Variants in NTM observed in about 807,000 individuals in gnomAD.
The protein encoded by NTM is IgLON family member 2.
In NTM, 13 loss-of-function variants were observed where a neutral mutation model predicts 42.1. The ratio of observed to expected loss-of-function variants is 0.31; its 90% confidence interval spans 0.20 to 0.49. The LOEUF is 0.49. NTM is among the 20% of genes least tolerant of loss of function. The pLI is 0.99. For missense variants in NTM, 373 were observed against 452.8 expected, an observed-to-expected ratio of 0.82 and a Z score of 1.60; for synonymous variants, 187 against 179.2, an observed-to-expected ratio of 1.04 and a Z score of -0.35.
At chr11:131,977,769 G>A (rs1446019513) in intron 2 of NTM, among the ~76,000 whole-genome samples, 1 of 151,850 alleles carries the variant, frequency 6.6e-6, no homozygotes, top group Non-Finnish European at 1.5e-5. Context: ...GTAACCCAAT[G>A]CAATGTGAGT....
At chr11:131,763,636 A>G (rs1230399672) in intron 1 of NTM, among the ~76,000 whole-genome samples, 1 of 149,686 alleles carries the variant, frequency 6.7e-6, no homozygotes, top group African/African-American at 2.4e-5. Flanking sequence ...AGCTCTGGGT[A>G]CTACAAACCC....
At chr11:131,617,726 T>G (rs2137611842) in intron 1 of NTM, among the ~76,000 whole-genome samples, 1 of 152,326 alleles carries the variant, frequency 6.6e-6, no homozygotes, top group Admixed American at 6.5e-5. Context: ...TCCACCAATT[T>G]TCAGCTTCCA....
At chr11:132,324,557 T>C (rs1289566240) in intron 7 of NTM, among the ~76,000 whole-genome samples, 1 of 151,260 alleles carries the variant, frequency 6.6e-6, no homozygotes, top group Non-Finnish European at 1.5e-5. Flanking sequence ...TCCATGCTCG[T>C]GGGTAGGAAG....
intron 4 of NTM, among the ~76,000 whole-genome samples, chr11:132,220,173 A>G (rs778934341): frequency 5.3e-5 from 8 of 152,238 alleles, no homozygotes; most frequent in Non-Finnish European, 1.0e-4. Flanking sequence ...CATTAGGTTC[A>G]ATATATACAG....
chr11:131,508,983 T>C (rs1328087864), intron 1 of NTM, among the ~76,000 whole-genome samples: 1 of 151,768 alleles, frequency 6.6e-6, no homozygotes, highest in East Asian at 1.9e-4. Flanking sequence ...CATGTATACA[T>C]ATGTAACTAA....
chr11:131,910,460 G>GCCCGCGCCCCGCGC lies in NTM; in HGVS notation c.83-1094_83-1081dup, dbSNP rs772413977. On this transcript the variant is annotated intron_variant, in intron 1 of 8. Transcript: ENST00000683400. ...CGGCGCGGCGGGGGTTAAGGTGGGC[G>GCCCGCGCCCCGCGC]CCCGCGCCCCGCGCCCCGCGCCCTC... Among the ~76,000 whole-genome samples the GCCCGCGCCCCGCGC allele has an allele frequency of 1.3e-3, 191 of 150,992 alleles. 1 individual carries two copies. Among genetic ancestry groups the GCCCGCGCCCCGCGC allele is most frequent in the African/African-American group, 4.0e-3 (167 of 41,460 alleles).
At chr11:131,481,673 C>G (rs1313282118) in intron 1 of NTM, among the ~76,000 whole-genome samples, 1 of 152,172 alleles carries the variant, frequency 6.6e-6, no homozygotes, top group African/African-American at 2.4e-5. Context: ...GCCACACAGC[C>G]AGTGCTTTCT....
chr11:132,027,931 A>T lies in NTM; in HGVS notation c.167+116283A>T, dbSNP rs573569346. Among the ~76,000 whole-genome samples the T allele has an allele frequency of 4.6e-5, 7 of 151,786 alleles. 1 individual carries two copies. Among genetic ancestry groups the T allele is most frequent in the African/African-American group, 1.7e-4 (7 of 41,404 alleles). ...CCATTTTTTTCAGTTTTTCTCTTCA[A>T]ATTTCAGGTTTGGAAGATTCTATTG... On this transcript the variant is annotated intron_variant, in intron 2 of 8. Transcript: ENST00000683400.
chr11:132,016,685 A>G (rs1010194294), intron 2 of NTM, among the ~76,000 whole-genome samples: 6 of 151,998 alleles, frequency 3.9e-5, no homozygotes, highest in African/African-American at 1.4e-4. Flanking sequence ...TAGGTCATAT[A>G]TTAAGTTTAT....
At chr11:131,795,811 T>C in intron 1 of NTM, 2 of 985,328 alleles carry the variant, frequency 2.0e-6, no homozygotes, top group Non-Finnish European at 2.4e-6. Flanking sequence ...AGCACAGAAC[T>C]CTCAGAGTGA....
At chr11:131,882,370 T>C (rs1002843815) in intron 1 of NTM, among the ~76,000 whole-genome samples, 4 of 152,232 alleles carry the variant, frequency 2.6e-5, no homozygotes, top group Non-Finnish European at 5.9e-5. Context: ...CATTTTCTAT[T>C]AGAACCTTCA....
chr11:132,090,974 T>A (rs2060307318), intron 2 of NTM, among the ~76,000 whole-genome samples: 2 of 152,228 alleles, frequency 1.3e-5, no homozygotes, highest in Non-Finnish European at 2.9e-5. Flanking sequence ...CCTCCCATTC[T>A]CTATAGCGGC....
At chr11:131,873,684 T>TATATATACACGTATATATATACACAC (rs1565658470) in intron 1 of NTM, among the ~76,000 whole-genome samples, 31 of 129,638 alleles carry the variant, frequency 2.4e-4, no homozygotes, top group African/African-American at 1.1e-3. Flanking sequence ...TATACACACA[T>TATATATACACGTATATATATACACAC]ATATATACAC....
rs76130368 is a variant in NTM, at chr11:132,253,499, G to A, written c.526+41352G>A. Among the ~76,000 whole-genome samples the A allele has an allele frequency of 2.2e-3, 339 of 152,300 alleles. 1 individual carries two copies. Among genetic ancestry groups the A allele is most frequent in the African/African-American group, 7.6e-3 (317 of 41,570 alleles). ...ATTTAAAAAGCAAATAAATTTAGCA[G>A]CCTGTCTAGTTACATACAAGGACCA... On this transcript the variant is annotated intron_variant, in intron 4 of 8. Transcript: ENST00000683400.
chr11:131,655,339 T>G lies in NTM; in HGVS notation c.83-256225T>G, dbSNP rs1037006755. ...AGCTATCCTTTGTGTTTTCTGGAAT[T>G]CTTAGCAATTTCCAGACACTTGCTC... On this transcript the variant is annotated intron_variant, in intron 1 of 8. Coordinates refer to ENST00000683400, the MANE Select transcript of NTM (RefSeq NM_001352005.2). Among the ~76,000 whole-genome samples the G allele has an allele frequency of 3.9e-5, 6 of 152,214 alleles. No homozygotes were observed. The East Asian group carries it at 1.2e-3, about 29-fold the overall frequency.
chr11:131,665,018 G>A (rs927592567), intron 1 of NTM, among the ~76,000 whole-genome samples: 10 of 152,082 alleles, frequency 6.6e-5, no homozygotes, highest in Non-Finnish European at 7.4e-5. Flanking sequence ...CTGCAGCCAC[G>A]GATGGGTACC....
intron 1 of NTM, among the ~76,000 whole-genome samples, chr11:131,409,395 C>G (rs1371736561): frequency 1.3e-5 from 2 of 152,224 alleles, no homozygotes; most frequent in African/African-American, 4.8e-5. Context: ...TAGGCACAGC[C>G]TTCTGGCTGC....
At chr11:131,767,510 G>A (rs534139889) in intron 1 of NTM, among the ~76,000 whole-genome samples, 49 of 152,330 alleles carry the variant, frequency 3.2e-4, no homozygotes, top group Middle Eastern at 3.4e-3. Flanking sequence ...GGGACTCTGG[G>A]AGGAGATTAA....
intron 2 of NTM, among the ~76,000 whole-genome samples, chr11:132,025,705 C>T (rs531335980): frequency 7.2e-5 from 11 of 152,226 alleles, no homozygotes; most frequent in Admixed American, 2.0e-4. Flanking sequence ...CCGAATTGGC[C>T]GGGGGTGTGG....
Sources: gnomAD v4.1 joint callset for allele counts (sites outside exome capture counted in the v4.1 genomes callset) on GRCh38, gnomAD v4.1.1 for gene constraint, MANE v1.5 for transcripts, NCBI Gene and HGNC (gene_info 2026-07-23, HGNC 2026-07-21) for gene names.